TNS3: variants seen among roughly 807,000 people sequenced by gnomAD.
TNS3 encodes the protein tensin-3.
TNS3 carries 45 observed loss-of-function variants against 140.9 expected under a neutral mutation model. The ratio of observed to expected loss-of-function variants is 0.32; its 90% CI spans 0.25 to 0.41. The LOEUF (loss-of-function observed/expected upper bound fraction) is 0.41, where lower values mean the gene tolerates loss of function less well. TNS3 is among the 10% of genes least tolerant of loss of function. The pLI is 1.00. For missense variants in TNS3, 1,716 were observed against 1,906.7 expected, an observed-to-expected ratio of 0.90 and a Z score of 1.86; for synonymous variants, 815 against 788.4, an observed-to-expected ratio of 1.03 and a Z score of -0.56.
chr7:47,344,365 G>A (rs1026201970), intron 20 of TNS3, among the ~76,000 whole-genome samples: 7 of 148,418 alleles, frequency 4.7e-5, no homozygotes, highest in African/African-American at 1.7e-4. Flanking sequence ...AGGTACGTGT[G>A]AGAAGGCAGC....
chr7:47,298,710 C>T (rs1207116859), intron 23 of TNS3, among the ~76,000 whole-genome samples: 1 of 152,272 alleles, frequency 6.6e-6, no homozygotes, highest in Non-Finnish European at 1.5e-5. Flanking sequence ...CCACGGCGCA[C>T]TCCCACAGAG....
chr7:47,488,998 T>C (rs1339208823), intron 3 of TNS3, among the ~76,000 whole-genome samples: 2 of 152,240 alleles, frequency 1.3e-5, no homozygotes, highest in Non-Finnish European at 2.9e-5. Flanking sequence ...CTTTATTAAC[T>C]TTCTCTGCTT....
chr7:47,321,204 GT>G lies in TNS3; in HGVS notation c.2651-16202del, dbSNP rs1307713583. Among the ~76,000 whole-genome samples, 64 of 152,328 alleles carry G rather than the reference GT, an allele frequency of 4.2e-4. 2 individuals carry two copies. The East Asian group carries it at 0.012, about 29-fold the overall frequency. ...TTGGTCCCGATTCTCCTCTCTTTGTGTTTTTGTTTCACTAAGGTTTCCGATT... is the reference window on the plus strand; with the variant it reads ...TTGGTCCCGATTCTCCTCTCTTTGTGTTTTGTTTCACTAAGGTTTCCGATT... On this transcript the variant is annotated intron_variant, in intron 20 of 30. Transcript: ENST00000311160.
chr7:47,361,219 A>AAAAAAG (rs1399614299), intron 17 of TNS3, among the ~76,000 whole-genome samples: 2 of 148,256 alleles, frequency 1.3e-5, no homozygotes, highest in Non-Finnish European at 3.0e-5. Flanking sequence ...AAAAAAAAAA[A>AAAAAAG]AAAAACAAGC....
At chr7:47,514,587 C>G (rs1250614086) in intron 2 of TNS3, among the ~76,000 whole-genome samples, 1 of 152,096 alleles carries the variant, frequency 6.6e-6, no homozygotes, top group Non-Finnish European at 1.5e-5. Flanking sequence ...CTCCTTTCTC[C>G]TTGCTTCCTT....
chr7:47,306,687 G>A lies in TNS3; in HGVS notation c.2651-1684C>T, dbSNP rs542116428. ...CCTCCCGCGTTCACGCCATTCTCCT[G>A]CCTCGGCCTCCCGAGTAGCTGGGAC... On this transcript the variant is annotated intron_variant, in intron 20 of 30. Transcript: ENST00000311160. Among the ~76,000 whole-genome samples, 9 of 152,040 alleles carry A rather than the reference G, an allele frequency of 5.9e-5. No individual in the cohort carries two copies. In the Middle Eastern group the frequency reaches 0.01, roughly 174 times the overall value.
rs1458171977 is a variant in TNS3, at chr7:47,277,658, T to C, written c.*418A>G. On this transcript the variant is annotated 3_prime_UTR_variant, in exon 31 of 31. Coordinates refer to ENST00000311160, the MANE Select transcript of TNS3 (RefSeq NM_022748.12). ...GGGTGCAGCTGGACAGAAGCGCCCA[T>C]GCGGACGGGCGAAGCATGGCAGTCA... 9 of 276,742 alleles carry C rather than the reference T, an allele frequency of 3.3e-5. No homozygotes were observed. The Admixed American group carries it at 3.4e-4, about 11-fold the overall frequency. 17.1% of individuals were successfully genotyped at this position (276,742 alleles called of 1,614,324 possible).
intron 17 of TNS3, among the ~76,000 whole-genome samples, chr7:47,348,015 C>A (rs1473193669): frequency 6.6e-6 from 1 of 152,222 alleles, no homozygotes. Flanking sequence ...CACTCACCAC[C>A]CTCCACAGGA....
chr7:47,421,234 A>G (rs1383627196), intron 10 of TNS3, among the ~76,000 whole-genome samples: 1 of 152,212 alleles, frequency 6.6e-6, no homozygotes, highest in Non-Finnish European at 1.5e-5. Flanking sequence ...TATTATTTCC[A>G]TGATGCTGAT....
Position 47,402,694 on chromosome 7 carries a change from G to A in TNS3, c.724-1780C>T, listed in dbSNP as rs1793227866. ...GTAAATCCACACATGCACCCCCATT[G>A]ATAGAGATGATAGCACCCACCTTTC... On this transcript the variant is annotated intron_variant, in intron 13 of 30. Coordinates refer to ENST00000311160, the MANE Select transcript of TNS3 (RefSeq NM_022748.12). 2.6e-5 allele frequency among the ~76,000 whole-genome samples: 4 copies of A among 152,148 alleles called. 1 individual carries two copies. In the South Asian group the frequency reaches 8.3e-4, roughly 32 times the overall value.
At chr7:47,295,224 A>G (rs746879579) in intron 24 of TNS3, among the ~76,000 whole-genome samples, 34 of 152,216 alleles carry the variant, frequency 2.2e-4, no homozygotes, top group Non-Finnish European at 2.9e-5. Context: ...TCTGTCAGAG[A>G]GGCAGGATGC....
intron 24 of TNS3, among the ~76,000 whole-genome samples, chr7:47,296,763 A>G (rs1310972427): frequency 6.6e-6 from 1 of 152,166 alleles, no homozygotes; most frequent in Non-Finnish European, 1.5e-5. Flanking sequence ...ATGGTTGCCC[A>G]AGGGAGGTGA....
chr7:47,488,145 A>C (rs994751847), intron 3 of TNS3, among the ~76,000 whole-genome samples: 2 of 152,238 alleles, frequency 1.3e-5, no homozygotes, highest in Non-Finnish European at 2.9e-5. Flanking sequence ...ATAAACTAGC[A>C]AGATCTTTAA....
chr7:47,393,437 C>T (rs901686144), intron 16 of TNS3, among the ~76,000 whole-genome samples: 26 of 152,260 alleles, frequency 1.7e-4, no homozygotes, highest in African/African-American at 6.3e-4. Flanking sequence ...CTCAAGAATA[C>T]TCAGGCAGTG....
chr7:47,300,625 G>A (rs1294087057), intron 23 of TNS3, among the ~76,000 whole-genome samples: 1 of 152,264 alleles, frequency 6.6e-6, no homozygotes, highest in Non-Finnish European at 1.5e-5. Flanking sequence ...TGCACAATGA[G>A]AGAAGGGGGC....
chr7:47,482,860 A>AT (rs1476613786), intron 3 of TNS3, among the ~76,000 whole-genome samples: 2 of 152,246 alleles, frequency 1.3e-5, no homozygotes, highest in Non-Finnish European at 2.9e-5. Context: ...ACTCTGTGAC[A>AT]TTCTGGAAAA....
rs970601029 is a variant in TNS3 at position 47,277,398 on chromosome 7, G to T, written c.*678C>A. ...GCCCAGCTCGCCCAGCTCACCACAGGTGAGCAGGAGGCACAGAGCACTCAC... is the reference window on the plus strand; with the variant it reads ...GCCCAGCTCGCCCAGCTCACCACAGTTGAGCAGGAGGCACAGAGCACTCAC... On this transcript the variant is annotated 3_prime_UTR_variant, in exon 31 of 31. Coordinates refer to ENST00000311160, the MANE Select transcript of TNS3 (RefSeq NM_022748.12). 3 of 152,632 alleles carry T rather than the reference G, an allele frequency of 2.0e-5. No homozygotes were observed. The highest frequency in any genetic ancestry group is 7.2e-5 in the African/African-American group (3 of 41,418). The allele number at this position is 152,632 out of a possible 1,614,324, so 9.5% of individuals were successfully genotyped here.
chr7:47,414,102 C>T (rs1336910828), intron 11 of TNS3, 105 bp from the exon 12 acceptor site: 1 of 1,221,676 alleles, frequency 8.2e-7, no homozygotes, highest in Non-Finnish European at 1.2e-6. Flanking sequence ...GGAGACTGCA[C>T]CTGCGGCCTT....
At chr7:47,529,242 G>A (rs1799307882) in intron 1 of TNS3, 95 bp from the exon 2 acceptor site, 1 of 678,826 alleles carries the variant, frequency 1.5e-6, no homozygotes, top group African/African-American at 1.9e-5. Context: ...TAGTGGAATT[G>A]TAAAGAGCAA....
Sources: allele counts gnomAD v4.1 joint callset (sites outside exome capture counted in the v4.1 genomes callset), GRCh38; gene constraint gnomAD v4.1.1; transcripts MANE v1.5; gene names NCBI Gene and HGNC (gene_info 2026-07-23, HGNC 2026-07-21).